EDA: variants seen among roughly 807,000 people sequenced by gnomAD.
EDA encodes the protein ectodysplasin-A.
EDA carries 2 observed loss-of-function variants against 23.6 expected under a neutral mutation model. The ratio of observed to expected loss-of-function variants is 0.08; its 90% CI spans 0.03 to 0.27. EDA has a LOEUF of 0.27. Among genes scored for constraint, EDA ranks in the 10% least tolerant of loss-of-function variants. The pLI, the probability that EDA is intolerant of heterozygous loss-of-function variation, is 1.00. For synonymous variants in EDA, 131 were observed against 132.0 expected (o/e 0.99, Z 0.05); for missense variants, 229 against 324.2 (o/e 0.71, Z 2.26).
chrX:69,914,113 A>G (rs1018699355), intron 1 of EDA, among the ~76,000 whole-genome samples: 1 of 112,349 alleles, frequency 8.9e-6, no homozygotes, highest in South Asian at 3.7e-4. Context: ...ACAGAGACCC[A>G]AAGTGAGCAC....
At chrX:69,869,579 G>C (rs150347880) in intron 1 of EDA, among the ~76,000 whole-genome samples, 208 of 111,830 alleles carry the variant, frequency 1.9e-3, no homozygotes, top group African/African-American at 6.6e-3. Context: ...TTGAGGGGCT[G>C]TGATTCAAAT....
At chrX:69,646,206 T>A (rs1296795810) in intron 1 of EDA, among the ~76,000 whole-genome samples, 1 of 111,605 alleles carries the variant, frequency 9.0e-6, no homozygotes, top group Non-Finnish European at 1.9e-5. Flanking sequence ...CCACTTGATC[T>A]AGAGCTGAGT....
intron 1 of EDA, among the ~76,000 whole-genome samples, chrX:69,630,701 T>C (rs190359436): frequency 1.8e-5 from 2 of 112,683 alleles, no homozygotes; most frequent in East Asian, 5.6e-4. Context: ...AAACTTTTTT[T>C]CTAATTACTA....
Position 69,983,821 on chromosome X carries a change from G to A in EDA, c.502+26689G>A, listed in dbSNP as rs774147035. ...CGTTGGCCTGCCTTGCTAGATTGGG[G>A]AAGTTCTCCTGGATAATATCCTGCA... On this transcript the variant is annotated intron_variant, in intron 2 of 7. Transcript: ENST00000374552. Among the ~76,000 whole-genome samples the A allele has an allele frequency of 6.8e-3, 709 of 104,751 alleles. 7 individuals carry two copies. The highest frequency in any genetic ancestry group is 0.024 in the African/African-American group (678 of 28,573). 91.0% of individuals were successfully genotyped at this position (104,751 alleles called of 115,157 possible). A position where few individuals can be genotyped will look rare whatever the true frequency, so the allele number is the denominator to read the frequency against.
At chrX:69,773,964 G>T (rs1188018332) in intron 1 of EDA, among the ~76,000 whole-genome samples, 1 of 111,434 alleles carries the variant, frequency 9.0e-6, no homozygotes, top group African/African-American at 3.3e-5. Context: ...ATGCAGTCAA[G>T]TTACTAGGAA....
At chrX:69,750,631 T>C (rs1277738391) in intron 1 of EDA, among the ~76,000 whole-genome samples, 1 of 111,460 alleles carries the variant, frequency 9.0e-6, no homozygotes, top group Non-Finnish European at 1.9e-5. Flanking sequence ...TAGTTTACAG[T>C]CCTACCAACA....
intron 1 of EDA, among the ~76,000 whole-genome samples, chrX:69,678,639 A>G (rs1934203771): frequency 9.3e-6 from 1 of 107,660 alleles, no homozygotes; most frequent in South Asian, 4.2e-4. Context: ...TTGTTGGTGT[A>G]TAAGAATGCT....
intron 1 of EDA, chrX:69,670,188 T>TTTTTG (rs1174912524): frequency 2.1e-5 from 7 of 326,762 alleles, no homozygotes; most frequent in Non-Finnish European, 3.1e-5. Flanking sequence ...TGACTGTTTT[T>TTTTTG]TTTTTTTTTT....
At position 69,782,366 on chromosome X, in the gene EDA, TAAAAAAAAAAAAA is replaced by T. The variant is rs751293381; in HGVS notation, c.396+165676_396+165688del. ...GTAGACAAATAACATTAAATGCTCT[TAAAAAAAAAAAAA>T]AAAAAAAAAAAAACATTAAGCAGCT... On this transcript the variant is annotated intron_variant, in intron 1 of 7. Transcript: ENST00000374552. Among the ~76,000 whole-genome samples, 94 of 65,458 alleles carry T rather than the reference TAAAAAAAAAAAAA, an allele frequency of 1.4e-3. 4 individuals carry two copies. The East Asian group carries it at 0.046, about 32-fold the overall frequency. The allele number at this position is 65,458 out of a possible 115,157, so 56.8% of individuals were successfully genotyped here. A position where few individuals can be genotyped will look rare whatever the true frequency, so the allele number is the denominator to read the frequency against.
intron 1 of EDA, among the ~76,000 whole-genome samples, chrX:69,872,316 G>A (rs1251164677): frequency 9.0e-6 from 1 of 111,451 alleles, no homozygotes; most frequent in Non-Finnish European, 1.9e-5. Context: ...AAATCTCACA[G>A]GACCTATATA....
chrX:69,681,278 G>A (rs1934338126), intron 1 of EDA, among the ~76,000 whole-genome samples: 2 of 109,334 alleles, frequency 1.8e-5, no homozygotes, highest in Middle Eastern at 4.6e-3. Context: ...TTCAACTTTG[G>A]TGAATCTGAC....
chrX:69,863,546 CATATATGTATATATATGTGTGTATATAT>C (rs2017429456), intron 1 of EDA, among the ~76,000 whole-genome samples: 1 of 31,868 alleles, frequency 3.1e-5, no homozygotes, highest in Non-Finnish European at 7.8e-5. Flanking sequence ...TATATATATA[CATATATGTATATATATGTGTGTATATAT>C]GTGTGTGTAT....
At chrX:69,699,660 G>A (rs1171630793) in intron 1 of EDA, among the ~76,000 whole-genome samples, 1 of 111,054 alleles carries the variant, frequency 9.0e-6, no homozygotes, top group African/African-American at 3.3e-5. Flanking sequence ...CAATCTGGAG[G>A]GTGGGTCCCT....
At chrX:69,852,132 G>A (rs900539017) in intron 1 of EDA, among the ~76,000 whole-genome samples, 2 of 111,954 alleles carry the variant, frequency 1.8e-5, no homozygotes, top group Non-Finnish European at 3.8e-5. Flanking sequence ...CATTATAGCA[G>A]ATTATAGATC....
At chrX:69,725,283 A>T (rs1469879987) in intron 1 of EDA, among the ~76,000 whole-genome samples, 1 of 111,917 alleles carries the variant, frequency 8.9e-6, no homozygotes, top group Non-Finnish European at 1.9e-5. Flanking sequence ...ATCTAGCTCC[A>T]ACAGTACCAA....
chrX:69,828,298 C>T (rs897457351), intron 1 of EDA, among the ~76,000 whole-genome samples: 13 of 112,126 alleles, frequency 1.2e-4, no homozygotes, highest in African/African-American at 3.9e-4. Flanking sequence ...CCTCTCCCAG[C>T]CTCGCTGCCG....
intron 1 of EDA, among the ~76,000 whole-genome samples, chrX:69,852,151 C>T (rs927721865): frequency 3.6e-5 from 4 of 111,745 alleles, no homozygotes; most frequent in Admixed American, 9.5e-5. Context: ...TCTACAGAGA[C>T]GGAGTTTCCC....
chrX:69,641,542 A>G (rs150407020), intron 1 of EDA, among the ~76,000 whole-genome samples: 1,631 of 112,166 alleles, frequency 0.015, 22 homozygotes, highest in South Asian at 0.055. Flanking sequence ...TAAGTATTAG[A>G]CTAGTATATT....
intron 1 of EDA, among the ~76,000 whole-genome samples, chrX:69,856,450 A>G (rs2017255863): frequency 9.0e-6 from 1 of 110,567 alleles, no homozygotes; most frequent in Non-Finnish European, 1.9e-5. Flanking sequence ...ACTCTTTTCC[A>G]TAAAGGTTAT....
Sources: gnomAD v4.1 joint callset for allele counts (sites outside exome capture counted in the v4.1 genomes callset) on GRCh38, gnomAD v4.1.1 for gene constraint, MANE v1.5 for transcripts, NCBI Gene and HGNC (gene_info 2026-07-23, HGNC 2026-07-21) for gene names.